The following NCKAP5 variants were observed in gnomAD, a reference collection of about 807,000 sequenced individuals.
NCKAP5 encodes NCK associated protein 5, also known as nck-associated protein 5.
In NCKAP5, 92 loss-of-function variants were observed where a neutral mutation model predicts 167.0. That is an observed-to-expected ratio of 0.55 (90% confidence interval 0.47 to 0.66). The LOEUF (loss-of-function observed/expected upper bound fraction) is 0.66. NCKAP5 is among the 30% of genes least tolerant of loss of function. The pLI is 0.00. For synonymous variants in NCKAP5, 891 were observed against 877.4 expected, an observed-to-expected ratio of 1.02 and a Z score of -0.27; for missense variants, 2,378 against 2,315.0, an observed-to-expected ratio of 1.03 and a Z score of -0.56.
At position 132,911,884 on chromosome 2, in the gene NCKAP5, G is replaced by A. The variant is rs371151144; in HGVS notation, c.580-32968C>T. 3.6e-4 allele frequency among the ~76,000 whole-genome samples: 55 copies of A among 152,286 alleles called. 1 individual carries two copies. In the East Asian group the frequency reaches 0.01, roughly 28 times the overall value. On this transcript the variant is annotated intron_variant, in intron 8 of 19. Transcript: ENST00000409261. ...AAACTGCAGGACTGTTGATTAGCGG[G>A]CCCTCCCAGGCCTTCCAAGCTGCCT...
At chr2:133,534,384 T>C (rs1685593699) in intron 2 of NCKAP5, among the ~76,000 whole-genome samples, 1 of 152,218 alleles carries the variant, frequency 6.6e-6, no homozygotes. Flanking sequence ...GTACACTTTA[T>C]TGGTTTTTAG....
chr2:133,118,198 C>G (rs2082140468), intron 6 of NCKAP5: 1 of 151,808 alleles, frequency 6.6e-6, no homozygotes, highest in South Asian at 2.1e-4. Context: ...CTTTTTTTTA[C>G]CCTACGATCC....
At chr2:132,961,345 CAA>C (rs2149196044) in intron 8 of NCKAP5, among the ~76,000 whole-genome samples, 1 of 126,104 alleles carries the variant, frequency 7.9e-6, no homozygotes, top group African/African-American at 3.5e-5. Context: ...TATATATTTA[CAA>C]ACATATATTT....
At chr2:132,854,546 T>C (rs1420650861) in intron 11 of NCKAP5, among the ~76,000 whole-genome samples, 1 of 152,214 alleles carries the variant, frequency 6.6e-6, no homozygotes, top group Non-Finnish European at 1.5e-5. Flanking sequence ...CATTTATACT[T>C]TCTCTTGTCC....
intron 16 of NCKAP5, among the ~76,000 whole-genome samples, chr2:132,732,763 T>C (rs900612131): frequency 6.6e-6 from 1 of 152,188 alleles, no homozygotes; most frequent in East Asian, 1.9e-4. Flanking sequence ...ACAATGGTAA[T>C]TGTGTATCTC....
intron 4 of NCKAP5, among the ~76,000 whole-genome samples, chr2:133,218,895 A>C (rs558211852): frequency 1.3e-5 from 2 of 152,340 alleles, no homozygotes; most frequent in East Asian, 3.9e-4. Flanking sequence ...AATTTGAAAG[A>C]AAACCATAAT....
intron 16 of NCKAP5, among the ~76,000 whole-genome samples, chr2:132,740,175 A>G (rs1322619689): frequency 1.3e-5 from 2 of 152,214 alleles, no homozygotes; most frequent in Non-Finnish European, 2.9e-5. Context: ...ACTTCCACAC[A>G]GCCATAAAAG....
chr2:133,505,010 C>G (rs969736486), intron 3 of NCKAP5, among the ~76,000 whole-genome samples: 105 of 152,128 alleles, frequency 6.9e-4, no homozygotes, highest in African/African-American at 2.5e-3. Flanking sequence ...AGTCATCCAG[C>G]CTGATTCTAT....
At chr2:133,565,442 T>C (rs1437298507) in intron 1 of NCKAP5, among the ~76,000 whole-genome samples, 2 of 152,222 alleles carry the variant, frequency 1.3e-5, no homozygotes, top group African/African-American at 2.4e-5. Flanking sequence ...GCACTCTCAT[T>C]ATCCACATTT....
intron 19 of NCKAP5, among the ~76,000 whole-genome samples, chr2:132,709,121 T>G (rs1162729237): frequency 1.3e-5 from 2 of 152,084 alleles, no homozygotes; most frequent in African/African-American, 4.8e-5. Context: ...CTTTTGGGTT[T>G]TCTATGAACA....
intron 6 of NCKAP5, among the ~76,000 whole-genome samples, chr2:133,030,501 A>T (rs2078845355): frequency 1.3e-5 from 2 of 152,160 alleles, no homozygotes; most frequent in Admixed American, 1.3e-4. Context: ...GGTGGAAAGG[A>T]TCTGGGGGCT....
At chr2:133,624,142 G>A in the NCKAP5 span, among the ~76,000 whole-genome samples, 8 of 151,950 alleles carry the variant, frequency 5.3e-5, no homozygotes, top group Non-Finnish European at 1.0e-4. Flanking sequence ...AAAGGGTGGG[G>A]GATGGTGAGG....
the NCKAP5 span, among the ~76,000 whole-genome samples, chr2:133,657,236 C>T: frequency 4.6e-5 from 7 of 152,208 alleles, no homozygotes; most frequent in African/African-American, 1.7e-4. Flanking sequence ...TTCTCTTCCC[C>T]TCACCCATCT....
intron 3 of NCKAP5, among the ~76,000 whole-genome samples, chr2:133,415,319 G>A (rs1689040859): frequency 1.3e-5 from 2 of 152,224 alleles, no homozygotes; most frequent in Non-Finnish European, 2.9e-5. Context: ...ATTAATGTGA[G>A]ATACTTACTC....
chr2:132,990,894 G>A (rs2077430235), intron 7 of NCKAP5, among the ~76,000 whole-genome samples: 1 of 152,184 alleles, frequency 6.6e-6, no homozygotes, highest in South Asian at 2.1e-4. Flanking sequence ...AATACACTTA[G>A]ATAAGAAAGT....
the NCKAP5 span, among the ~76,000 whole-genome samples, chr2:133,597,563 G>A: frequency 1.1e-4 from 16 of 151,452 alleles, no homozygotes; most frequent in Non-Finnish European, 2.4e-4. Flanking sequence ...CAGCTACTCG[G>A]GAGGCTGAGG....
In NCKAP5 at chr2:133,202,297, T is replaced by C. The variant is rs373810091; in HGVS notation, c.207+11419A>G. ...AGAAGAAATGGGGAAAGGATTTCCC[T>C]ATTTAATAAATGGTGCTGGGAAAAC... On this transcript the variant is annotated intron_variant, in intron 5 of 19. Transcript: ENST00000409261. Among the ~76,000 whole-genome samples, 13 of 152,332 alleles carry C rather than the reference T, an allele frequency of 8.5e-5. No individual in the cohort carries two copies. In the East Asian group the frequency reaches 2.5e-3, roughly 29 times the overall value.
At chr2:133,076,858 C>T (rs1323839391) in intron 6 of NCKAP5, among the ~76,000 whole-genome samples, 1 of 152,144 alleles carries the variant, frequency 6.6e-6, no homozygotes, top group Non-Finnish European at 1.5e-5. Flanking sequence ...GAAGTTACAT[C>T]AACAAATTCC....
intron 3 of NCKAP5, among the ~76,000 whole-genome samples, chr2:133,410,293 A>T (rs1688694171): frequency 6.6e-6 from 1 of 152,218 alleles, no homozygotes; most frequent in Non-Finnish European, 1.5e-5. Context: ...AGACTGTTCA[A>T]CAAAGAGCAT....
Sources: allele counts gnomAD v4.1 joint callset (sites outside exome capture counted in the v4.1 genomes callset), GRCh38; gene constraint gnomAD v4.1.1; transcripts MANE v1.5; gene names NCBI Gene and HGNC (gene_info 2026-07-23, HGNC 2026-07-21).